KCNAB1: variants seen among roughly 807,000 people sequenced by gnomAD.
KCNAB1 encodes potassium voltage-gated channel subfamily A regulatory beta subunit 1.
Under a neutral mutation model 64.6 loss-of-function variants are expected in KCNAB1, and 35 were observed. The ratio of observed to expected loss-of-function variants is 0.54; its 90% CI spans 0.41 to 0.72. KCNAB1 has a LOEUF of 0.72. KCNAB1 is among the 30% of genes least tolerant of loss of function. The probability of loss-of-function intolerance (pLI) is 0.00; values close to 1 mark genes in which losing one functional copy is unlikely to be tolerated. For missense variants in KCNAB1, 401 were observed against 512.9 expected, an observed-to-expected ratio of 0.78 and a Z score of 2.11; for synonymous variants, 177 against 183.8, an observed-to-expected ratio of 0.96 and a Z score of 0.30.
chr3:156,205,313 A>C (rs1714588275), intron 1 of KCNAB1, among the ~76,000 whole-genome samples: 1 of 152,174 alleles, frequency 6.6e-6, no homozygotes, highest in African/African-American at 2.4e-5. Flanking sequence ...CCGTGTTTTA[A>C]TTTAAGCCAA....
At chr3:156,437,365 T>C (rs145385069) in intron 2 of KCNAB1, among the ~76,000 whole-genome samples, 242 of 152,350 alleles carry the variant, frequency 1.6e-3, no homozygotes, top group African/African-American at 5.2e-3. Context: ...AGGCATAACA[T>C]GTCAGTGGAA....
At chr3:156,195,212 T>A (rs1429846145) in intron 1 of KCNAB1, among the ~76,000 whole-genome samples, 1 of 152,182 alleles carries the variant, frequency 6.6e-6, no homozygotes, top group African/African-American at 2.4e-5. Context: ...AGGTTCCAAG[T>A]GTTTGCTGTT....
intron 1 of KCNAB1, among the ~76,000 whole-genome samples, chr3:156,207,871 C>T (rs1291738526): frequency 6.6e-6 from 1 of 152,082 alleles, no homozygotes; most frequent in South Asian, 2.1e-4. Flanking sequence ...AAATCAAGTA[C>T]CTTTATTTGG....
At position 156,496,557 on chromosome 3, in the gene KCNAB1, C is replaced by T. The variant is rs999134233; in HGVS notation, c.659-17807C>T. ...CTTTTCTTTATAAATTACCCAGTCT[C>T]AAGTATTTCTTCATAGAAGTATGAA... On this transcript the variant is annotated intron_variant, in intron 8 of 13. Coordinates refer to ENST00000490337, the MANE Select transcript of KCNAB1 (RefSeq NM_172160.3). Among the ~76,000 whole-genome samples the T allele has an allele frequency of 3.9e-5, 6 of 152,144 alleles. No individual in the cohort carries two copies. The East Asian group carries it at 1.2e-3, about 29-fold the overall frequency.
Position 156,459,866 on chromosome 3 carries a change from C to A in KCNAB1, c.477C>A (p.Gly159=). The A allele has an allele frequency of 6.2e-7, 1 of 1,607,106 alleles. No individual in the cohort carries two copies. The highest frequency in any genetic ancestry group is 8.5e-7 in the Non-Finnish European group (1 of 1,174,176). The change falls in exon 5 of 14, where the codon GGC becomes GGA. Residue 159 remains glycine (G), a synonymous_variant. Transcript: ENST00000490337. The part of the protein sequence containing the change: ...VILGSIIKKK[G]WRRSSLVITT... Reference sequence around the variant, plus strand: ...TGGGGAGCATCATCAAGAAGAAAGGCTGGAGGTATTGCATTCGCCATAATT... The same window carrying A: ...TGGGGAGCATCATCAAGAAGAAAGGATGGAGGTATTGCATTCGCCATAATT...
At chr3:156,244,072 T>G (rs988580826) in intron 1 of KCNAB1, among the ~76,000 whole-genome samples, 1 of 152,276 alleles carries the variant, frequency 6.6e-6, no homozygotes, top group Non-Finnish European at 1.5e-5. Context: ...TAAGTTGTTG[T>G]AGGTGTTTCC....
intron 8 of KCNAB1, among the ~76,000 whole-genome samples, chr3:156,507,169 G>T (rs1283528092): frequency 1.3e-5 from 2 of 152,212 alleles, no homozygotes; most frequent in Non-Finnish European, 2.9e-5. Context: ...TGGCCCAAGT[G>T]ATTTTATCTT....
chr3:156,172,480 A>G (rs1328120966), intron 1 of KCNAB1, among the ~76,000 whole-genome samples: 1 of 152,158 alleles, frequency 6.6e-6, no homozygotes, highest in Non-Finnish European at 1.5e-5. Flanking sequence ...GGGTTTCGCC[A>G]TGTTGGCCAG....
chr3:156,214,967 C>T (rs1207702099), intron 1 of KCNAB1, among the ~76,000 whole-genome samples: 1 of 152,084 alleles, frequency 6.6e-6, no homozygotes, highest in Non-Finnish European at 1.5e-5. Context: ...CCTTATCCAC[C>T]TCTAGTATTA....
At chr3:156,226,385 A>C (rs546646484) in intron 1 of KCNAB1, among the ~76,000 whole-genome samples, 1 of 151,910 alleles carries the variant, frequency 6.6e-6, no homozygotes, top group African/African-American at 2.4e-5. Flanking sequence ...CTAGATATCT[A>C]TCTCTCACCT....
chr3:156,230,016 T>C (rs1055785304), intron 1 of KCNAB1, among the ~76,000 whole-genome samples: 26 of 152,340 alleles, frequency 1.7e-4, no homozygotes, highest in African/African-American at 6.3e-4. Context: ...AATGTTCTAC[T>C]TGTAAAGATA....
chr3:156,265,848 TG>T (rs1371998950), intron 1 of KCNAB1, among the ~76,000 whole-genome samples: 10 of 152,134 alleles, frequency 6.6e-5, no homozygotes, highest in Admixed American at 6.5e-4. Flanking sequence ...AAAAATTAGC[TG>T]GGTGTGGTAG....
chr3:156,277,532 T>C (rs539904732), intron 1 of KCNAB1, among the ~76,000 whole-genome samples: 1 of 152,328 alleles, frequency 6.6e-6, no homozygotes, highest in East Asian at 1.9e-4. Flanking sequence ...TCACTTAGCA[T>C]AGTGTCCTCC....
chr3:156,289,440 A>G (rs959630972), intron 1 of KCNAB1, among the ~76,000 whole-genome samples: 2 of 151,960 alleles, frequency 1.3e-5, no homozygotes, highest in Non-Finnish European at 2.9e-5. Flanking sequence ...CCCAATTCAC[A>G]TTGATCATCT....
chr3:156,386,098 G>T (rs192177614), intron 1 of KCNAB1, among the ~76,000 whole-genome samples: 49 of 152,296 alleles, frequency 3.2e-4, no homozygotes, highest in Admixed American at 3.2e-3. Context: ...TGACAAAGGG[G>T]CATAAGGCAG....
chr3:156,407,137 C>T (rs1196810971), intron 1 of KCNAB1, among the ~76,000 whole-genome samples: 1 of 152,174 alleles, frequency 6.6e-6, no homozygotes, highest in Non-Finnish European at 1.5e-5. Flanking sequence ...TGCTAGCAAC[C>T]TGGCTCCTAT....
chr3:156,332,851 A>G (rs1338822474), intron 1 of KCNAB1, among the ~76,000 whole-genome samples: 3 of 152,160 alleles, frequency 2.0e-5, no homozygotes, highest in African/African-American at 4.8e-5. Context: ...GGGGAGATCA[A>G]CTTTTTTCCC....
chr3:156,306,425 T>C (rs545131022), intron 1 of KCNAB1, among the ~76,000 whole-genome samples: 104 of 152,230 alleles, frequency 6.8e-4, no homozygotes, highest in Non-Finnish European at 1.3e-3. Flanking sequence ...CCAGTTTGGT[T>C]GTACTGGGGT....
Position 156,304,744 on chromosome 3 carries a change from C to T in KCNAB1, c.276-116872C>T, listed in dbSNP as rs149572279. Among the ~76,000 whole-genome samples, 517 of 152,250 alleles carry T rather than the reference C, an allele frequency of 3.4e-3. 4 individuals are homozygous for T. Among genetic ancestry groups the T allele is most frequent in the African/African-American group, 0.012 (491 of 41,546 alleles). ...ACTGATGCCAGAATCCAGAGGCTAA[C>T]GGAAGGTTCAGCAGCCATTGCGGTT... On this transcript the variant is annotated intron_variant, in intron 1 of 13. Transcript: ENST00000490337.
Sources: allele counts gnomAD v4.1 joint callset (sites outside exome capture counted in the v4.1 genomes callset), GRCh38; gene constraint gnomAD v4.1.1; transcripts MANE v1.5; gene names NCBI Gene and HGNC (gene_info 2026-07-23, HGNC 2026-07-21).